JARID2: variants seen among roughly 807,000 people sequenced by gnomAD.
JARID2 encodes the protein protein Jumonji.
A neutral mutation model predicts 125.6 loss-of-function variants in JARID2; 21 were observed. The ratio of observed to expected loss-of-function variants is 0.17; its 90% CI spans 0.12 to 0.24. JARID2 has a LOEUF of 0.24. Among genes scored for constraint, JARID2 ranks in the 10% least tolerant of loss-of-function variants. JARID2 has a pLI of 1.00. For missense variants in JARID2, 1,303 were observed against 1,639.6 expected (o/e 0.79, Z 3.55); for synonymous variants, 736 against 661.6 (o/e 1.11, Z -1.73).
chr6:15,433,202 G>A (rs1767041890), intron 3 of JARID2, among the ~76,000 whole-genome samples: 1 of 152,168 alleles, frequency 6.6e-6, no homozygotes, highest in Non-Finnish European at 1.5e-5. Flanking sequence ...TTATGTCTGT[G>A]GTTAAGAATT....
intron 1 of JARID2, among the ~76,000 whole-genome samples, chr6:15,331,843 CT>C (rs549079412): frequency 2.6e-5 from 4 of 152,146 alleles, no homozygotes; most frequent in Admixed American, 6.5e-5. Flanking sequence ...GTGGGACCCC[CT>C]TTCTGCAGTT....
At chr6:15,370,494 C>T (rs575779159) in intron 1 of JARID2, among the ~76,000 whole-genome samples, 7 of 152,046 alleles carry the variant, frequency 4.6e-5, no homozygotes, top group Admixed American at 3.9e-4. Context: ...CCCGCCACCA[C>T]GCCCGGCTAA....
At chr6:15,268,508 A>G (rs1444729480) in intron 1 of JARID2, among the ~76,000 whole-genome samples, 1 of 152,128 alleles carries the variant, frequency 6.6e-6, no homozygotes, top group Non-Finnish European at 1.5e-5. Context: ...GGTTCTGCAG[A>G]ATGTGTACTT....
intron 1 of JARID2, among the ~76,000 whole-genome samples, chr6:15,269,198 C>G (rs1224167393): frequency 2.0e-5 from 3 of 152,130 alleles, no homozygotes; most frequent in Non-Finnish European, 4.4e-5. Flanking sequence ...TCTGTAAAAC[C>G]TCCTAATCTG....
At chr6:15,248,069 C>G in intron 1 of JARID2, 1 of 985,264 alleles carries the variant, frequency 1.0e-6, no homozygotes, top group South Asian at 4.7e-5. Context: ...GGTGGGTTTT[C>G]TTTCTTATTG....
intron 1 of JARID2, among the ~76,000 whole-genome samples, chr6:15,272,152 A>C (rs1407933357): frequency 6.6e-6 from 1 of 152,224 alleles, no homozygotes; most frequent in African/African-American, 2.4e-5. Context: ...GCAGAAAAAC[A>C]AAAAAACAAA....
intron 3 of JARID2, among the ~76,000 whole-genome samples, chr6:15,423,811 T>C (rs1315054011): frequency 6.6e-6 from 1 of 152,094 alleles, no homozygotes; most frequent in Non-Finnish European, 1.5e-5. Flanking sequence ...AGGGAAGAGG[T>C]GTGAACATGT....
chr6:15,315,149 A>G (rs1033375276), intron 1 of JARID2: 4 of 152,238 alleles, frequency 2.6e-5, no homozygotes, highest in Admixed American at 2.6e-4. Context: ...AATAATACGT[A>G]TATTAATGAA....
chr6:15,395,047 G>C (rs928893602), intron 2 of JARID2, among the ~76,000 whole-genome samples: 3 of 151,008 alleles, frequency 2.0e-5, no homozygotes, highest in Non-Finnish European at 4.4e-5. Flanking sequence ...TTAATTTGTT[G>C]TATTAACCAA....
chr6:15,311,005 C>T (rs1034645851), intron 1 of JARID2, among the ~76,000 whole-genome samples: 12 of 152,160 alleles, frequency 7.9e-5, no homozygotes, highest in Admixed American at 2.6e-4. Context: ...ATGAGGACTT[C>T]ACATCCTTTG....
chr6:15,490,199 C>G (rs1402300730), intron 6 of JARID2, among the ~76,000 whole-genome samples: 1 of 152,168 alleles, frequency 6.6e-6, no homozygotes, highest in African/African-American at 2.4e-5. Flanking sequence ...ATCTTTTCAA[C>G]TGCATGAAAG....
intron 3 of JARID2, among the ~76,000 whole-genome samples, chr6:15,433,807 T>C (rs775584481): frequency 2.0e-5 from 3 of 152,170 alleles, no homozygotes; most frequent in Non-Finnish European, 1.5e-5. Flanking sequence ...TTTTCTCTTA[T>C]AATTAGCATT....
chr6:15,517,845 G>A (rs1238226730), intron 17 of JARID2, among the ~76,000 whole-genome samples: 2 of 152,220 alleles, frequency 1.3e-5, no homozygotes, highest in East Asian at 1.9e-4. Context: ...TGCTCTGCCC[G>A]CCTTCCCCAC....
At chr6:15,430,893 T>C (rs1036937210) in intron 3 of JARID2, among the ~76,000 whole-genome samples, 3 of 152,202 alleles carry the variant, frequency 2.0e-5, no homozygotes, top group Non-Finnish European at 4.4e-5. Context: ...TTTCTAAATA[T>C]ATGTTGTTTT....
intron 1 of JARID2, among the ~76,000 whole-genome samples, chr6:15,336,759 C>T (rs1266558665): frequency 6.6e-6 from 1 of 151,738 alleles, no homozygotes; most frequent in Non-Finnish European, 1.5e-5. Context: ...CATGCTGCCC[C>T]AGGCTGGTCT....
At position 15,366,101 on chromosome 6, in the gene JARID2, T is replaced by C. The variant is rs1011174697; in HGVS notation, c.46-8016T>C. ...GAATCAACATTCCCTCCCAATTTTTTATTTGGTGCTTTCGTTTTTCTCTCA... is the reference window on the plus strand; with the variant it reads ...GAATCAACATTCCCTCCCAATTTTTCATTTGGTGCTTTCGTTTTTCTCTCA... On this transcript the variant is annotated intron_variant, in intron 1 of 17. Coordinates refer to ENST00000341776, the MANE Select transcript of JARID2 (RefSeq NM_004973.4). Among the ~76,000 whole-genome samples the C allele has an allele frequency of 9.2e-5, 14 of 152,302 alleles. No individual in the cohort carries two copies. In the East Asian group the frequency reaches 2.7e-3, roughly 29 times the overall value.
chr6:15,504,375 G>A lies in JARID2; in HGVS notation c.2449-125G>A, dbSNP rs535798648. 328 of 691,678 alleles carry A rather than the reference G, an allele frequency of 4.7e-4. 2 individuals are homozygous for A. In the East Asian group the frequency reaches 7.7e-3, roughly 16 times the overall value. The allele number at this position is 691,678 out of a possible 1,614,324, so 42.8% of individuals were successfully genotyped here. On this transcript the variant is annotated intron_variant, in intron 8 of 17. Transcript: ENST00000341776. ...TCCTTCTCTGCCTGTCATTAACTCA[G>A]AATACAAGGTGGCCCACAGCCGCAG...
At chr6:15,504,801 T>C (rs1770916358) in intron 9 of JARID2, among the ~76,000 whole-genome samples, 1 of 152,142 alleles carries the variant, frequency 6.6e-6, no homozygotes, top group South Asian at 2.1e-4. Flanking sequence ...CCAAAAACAC[T>C]ATAATGAAGG....
At position 15,410,205 on chromosome 6, in the gene JARID2, C is replaced by A. The variant is rs758879757; in HGVS notation, c.182-19C>A. 10 of 1,609,554 alleles carry A rather than the reference C, an allele frequency of 6.2e-6. No individual in the cohort carries two copies. Among genetic ancestry groups the A allele is most frequent in the Middle Eastern group, 1.7e-4 (1 of 6,044 alleles). The stretch of plus-strand genomic sequence containing the variant: ...TGATGTGATGTATTTAAGTGTTTGT[C>A]CCCTTTTCTCACCTGTAGGGCTCCT... On this transcript the variant is annotated intron_variant, in intron 2 of 17. Transcript: ENST00000341776.
Sources: gnomAD v4.1 joint callset for allele counts (sites outside exome capture counted in the v4.1 genomes callset) on GRCh38, gnomAD v4.1.1 for gene constraint, MANE v1.5 for transcripts, NCBI Gene and HGNC (gene_info 2026-07-23, HGNC 2026-07-21) for gene names.